Variants in GLT1D1 observed in about 807,000 individuals in gnomAD.
GLT1D1 encodes glycosyltransferase 1 domain containing 1.
GLT1D1 carries 21 observed loss-of-function variants against 28.7 expected under a neutral mutation model. That is an observed-to-expected ratio of 0.73 (90% CI 0.52 to 1.05). GLT1D1 has a LOEUF of 1.05. Among genes scored for constraint, GLT1D1 ranks in the 50% least tolerant of loss-of-function variants. The pLI is 0.00. For synonymous variants in GLT1D1, 147 were observed against 124.8 expected, an observed-to-expected ratio of 1.18 and a Z score of -1.19; for missense variants, 343 against 330.6, an observed-to-expected ratio of 1.04 and a Z score of -0.29.
intron 7 of GLT1D1, among the ~76,000 whole-genome samples, chr12:128,971,081 G>A (rs756320408): frequency 6.6e-6 from 1 of 152,114 alleles, no homozygotes; most frequent in South Asian, 2.1e-4. Context: ...TTTCAAAGTC[G>A]CAGATGACAG....
At chr12:128,952,924 A>G (rs1474448953) in intron 6 of GLT1D1, among the ~76,000 whole-genome samples, 1 of 151,676 alleles carries the variant, frequency 6.6e-6, no homozygotes, top group Admixed American at 6.6e-5. Context: ...AACCACAGGC[A>G]TGCACCACCA....
At chr12:128,979,668 T>C (rs760369295) in intron 7 of GLT1D1, among the ~76,000 whole-genome samples, 1 of 151,980 alleles carries the variant, frequency 6.6e-6, no homozygotes, top group African/African-American at 2.4e-5. Context: ...TGGGAGGATC[T>C]CTTGAGCCCA....
At chr12:128,978,233 G>C (rs982036176) in intron 7 of GLT1D1, among the ~76,000 whole-genome samples, 1 of 152,102 alleles carries the variant, frequency 6.6e-6, no homozygotes, top group African/African-American at 2.4e-5. Context: ...GCTGAAACCT[G>C]TGTGAAACCT....
intron 2 of GLT1D1, among the ~76,000 whole-genome samples, chr12:128,885,872 G>GCA (rs1250446637): frequency 6.6e-6 from 1 of 152,098 alleles, no homozygotes; most frequent in African/African-American, 2.4e-5. Context: ...TCCTTTAGTA[G>GCA]CAGTTTTTAT....
Position 128,952,429 on chromosome 12 carries a change from G to A in GLT1D1, c.540+4971G>A, listed in dbSNP as rs1359346651. Among the ~76,000 whole-genome samples the A allele has an allele frequency of 4.0e-5, 3 of 75,458 alleles. No individual in the cohort carries two copies. The Admixed American group carries it at 4.1e-4, about 10-fold the overall frequency. 49.5% of individuals were successfully genotyped at this position (75,458 alleles called of 152,430 possible). On this transcript the variant is annotated intron_variant, in intron 6 of 7. Transcript: ENST00000281703. Reference sequence around the variant, plus strand: ...AGGTCCCTGGGCAGGGGTGTAGGGTGGGGGTGGGGGGGGGTGGGGCTGAAA... The same window carrying A: ...AGGTCCCTGGGCAGGGGTGTAGGGTAGGGGTGGGGGGGGGTGGGGCTGAAA...
intron 1 of GLT1D1, among the ~76,000 whole-genome samples, chr12:128,872,997 C>T (rs568560334): frequency 3.3e-5 from 5 of 152,018 alleles, no homozygotes; most frequent in Admixed American, 2.0e-4. Flanking sequence ...CTGGACTCAT[C>T]GATCCTCCCA....
At position 128,983,248 on chromosome 12, in the gene GLT1D1, T is replaced by C. The variant is rs1228846993; in HGVS notation, c.*158T>C. ...GTCGTGAGTCCCCAGAGCCACTGCA[T>C]TCATCCCATATCCTTCTGTGCGTTC... On this transcript the variant is annotated 3_prime_UTR_variant, in exon 8 of 8. Transcript: ENST00000281703. The surrounding 1 kb of genome is among the most constrained non-coding windows in gnomAD (Gnocchi z 4.7). 1.6e-6 allele frequency: 1 copy of C among 639,414 alleles called. No homozygotes were observed. Among genetic ancestry groups the C allele is most frequent in the East Asian group, 2.7e-5 (1 of 36,720 alleles). 39.6% of individuals were successfully genotyped at this position (639,414 alleles called of 1,614,324 possible).
At chr12:128,978,442 G>C (rs1026759974) in intron 7 of GLT1D1, among the ~76,000 whole-genome samples, 18 of 152,154 alleles carry the variant, frequency 1.2e-4, no homozygotes, top group Non-Finnish European at 2.6e-4. Flanking sequence ...GTGCGGCATC[G>C]TCCTGAGGTC....
intron 2 of GLT1D1, 105 bp downstream of exon 2, chr12:128,876,167 C>A: frequency 1.0e-6 from 1 of 995,744 alleles, no homozygotes; most frequent in Non-Finnish European, 1.5e-6. Flanking sequence ...TTATCCAGTT[C>A]AGAAATGGGA....
At chr12:128,873,349 A>G (rs2135788635) in intron 1 of GLT1D1, among the ~76,000 whole-genome samples, 1 of 152,190 alleles carries the variant, frequency 6.6e-6, no homozygotes, top group East Asian at 1.9e-4. Flanking sequence ...TTAATACTTC[A>G]TAGTGATCTA....
chr12:128,894,166 A>G (rs1593094721), intron 3 of GLT1D1, among the ~76,000 whole-genome samples: 1 of 152,246 alleles, frequency 6.6e-6, no homozygotes, highest in African/African-American at 2.4e-5. Flanking sequence ...TGCTTGGATT[A>G]TGAAAGTGGG....
intron 2 of GLT1D1, among the ~76,000 whole-genome samples, chr12:128,882,934 T>A (rs537461345): frequency 8.8e-5 from 13 of 147,516 alleles, no homozygotes; most frequent in African/African-American, 3.2e-4. Context: ...ATATTTTTAA[T>A]TTTTTTTTTT....
intron 2 of GLT1D1, among the ~76,000 whole-genome samples, chr12:128,879,891 T>A (rs1956995360): frequency 6.6e-6 from 1 of 152,254 alleles, no homozygotes; most frequent in Non-Finnish European, 1.5e-5. Context: ...TTCTTTTTAT[T>A]GGCTGTGAGG....
rs61169176 is a variant in GLT1D1 at position 128,973,179 on chromosome 12, GTTTTTTTTTTTTTT to G, written c.640-9736_640-9723del. On this transcript the variant is annotated intron_variant, in intron 7 of 7. Coordinates refer to ENST00000281703, the MANE Select transcript of GLT1D1 (RefSeq NM_144669.3). ...CTTTTCTGTTTTGTTTGTTTGCTTG[GTTTTTTTTTTTTTT>G]TTTTTTTTTTTTTGAGACTCGCTCT... Among the ~76,000 whole-genome samples the G allele has an allele frequency of 1.6e-3, 82 of 50,996 alleles. 1 individual carries two copies. The highest frequency in any genetic ancestry group is 0.037 in the Middle Eastern group (2 of 54). 33.5% of individuals were successfully genotyped at this position (50,996 alleles called of 152,430 possible).
intron 7 of GLT1D1, among the ~76,000 whole-genome samples, chr12:128,962,366 A>G (rs1336667854): frequency 6.6e-6 from 1 of 152,284 alleles, no homozygotes; most frequent in African/African-American, 2.4e-5. Flanking sequence ...AAGAAGGGAC[A>G]GGACTAAGAT....
chr12:128,858,687 T>C (rs1391499887), intron 1 of GLT1D1, among the ~76,000 whole-genome samples: 1 of 148,868 alleles, frequency 6.7e-6, no homozygotes, highest in Non-Finnish European at 1.5e-5. Context: ...AAAAAAAAAA[T>C]CTCCATTAAC....
intron 3 of GLT1D1, among the ~76,000 whole-genome samples, chr12:128,890,222 C>T (rs1339324061): frequency 6.6e-6 from 1 of 152,126 alleles, no homozygotes; most frequent in Non-Finnish European, 1.5e-5. Flanking sequence ...TTCTTCAGCC[C>T]TTGTCTGTCT....
Position 128,957,601 on chromosome 12 carries a change from G to T in GLT1D1, c.597G>T (p.Val199=). The change falls in exon 7 of 8, where the codon GTG becomes GTT. Residue 199 remains valine, a synonymous_variant. Transcript: ENST00000281703. ...GGAACATCCCCGGGAATGCTGCCGT[G>T]GTGAAGCATGAAGTCACAGGGCTAC... 6.2e-7 allele frequency: 1 copy of T among 1,613,796 alleles called. No individual in the cohort carries two copies.
At chr12:128,946,063 C>T (rs992599405) in intron 5 of GLT1D1, among the ~76,000 whole-genome samples, 2 of 152,184 alleles carry the variant, frequency 1.3e-5, no homozygotes, top group Admixed American at 1.3e-4. Flanking sequence ...CTGACAAAGA[C>T]TGTTTTTTCC....
Sources: allele counts gnomAD v4.1 joint callset (sites outside exome capture counted in the v4.1 genomes callset), GRCh38; gene constraint gnomAD v4.1.1; non-coding constraint Gnocchi (gnomAD v3.1); transcripts MANE v1.5; gene names NCBI Gene and HGNC (gene_info 2026-07-23, HGNC 2026-07-21).